MDGA2: variants seen among roughly 807,000 people sequenced by gnomAD.
MDGA2 encodes MAM domain-containing glycosylphosphatidylinositol anchor protein 2.
In MDGA2, 40 loss-of-function variants were observed where a neutral mutation model predicts 117.8. The observed-to-expected ratio is 0.34, with a 90% CI of 0.26 to 0.44. MDGA2 has a LOEUF of 0.44. Among genes scored for constraint, MDGA2 ranks in the 20% least tolerant of loss-of-function variants. The pLI, the probability that MDGA2 is intolerant of heterozygous loss-of-function variation, is 1.00. For missense variants in MDGA2, 1,123 were observed against 1,250.6 expected, an observed-to-expected ratio of 0.90 and a Z score of 1.54; for synonymous variants, 452 against 439.0, an observed-to-expected ratio of 1.03 and a Z score of -0.37.
At chr14:47,312,850 T>G (rs1327648132) in intron 1 of MDGA2, among the ~76,000 whole-genome samples, 1 of 149,270 alleles carries the variant, frequency 6.7e-6, no homozygotes, top group Non-Finnish European at 1.5e-5. Context: ...CCTTAGAATC[T>G]TAATAATAAT....
At chr14:47,468,427 C>A (rs915309348) in intron 1 of MDGA2, among the ~76,000 whole-genome samples, 1 of 152,052 alleles carries the variant, frequency 6.6e-6, no homozygotes, top group Non-Finnish European at 1.5e-5. Context: ...TCCCTGTGTG[C>A]TATAAAATTC....
intron 1 of MDGA2, among the ~76,000 whole-genome samples, chr14:47,509,986 AG>A (rs1894604509): frequency 6.6e-6 from 1 of 152,174 alleles, no homozygotes; most frequent in African/African-American, 2.4e-5. Flanking sequence ...GTGTATGTGA[AG>A]AACATGAATT....
Position 47,670,044 on chromosome 14 carries a change from G to C in MDGA2, c.280+4473C>G, listed in dbSNP as rs546750033. 1.7e-3 allele frequency among the ~76,000 whole-genome samples: 255 copies of C among 152,154 alleles called. 1 individual carries two copies. Among genetic ancestry groups the C allele is most frequent in the Middle Eastern group, 3.4e-3 (1 of 294 alleles). On this transcript the variant is annotated intron_variant, in intron 1 of 16. Transcript: ENST00000399232. Reference sequence around the variant, plus strand: ...GCTTTCTTGTGTCACTTATGCCCTTGTTCTTAATTTCACCAAGGCCATTTC... The same window carrying C: ...GCTTTCTTGTGTCACTTATGCCCTTCTTCTTAATTTCACCAAGGCCATTTC...
intron 10 of MDGA2, among the ~76,000 whole-genome samples, chr14:46,919,624 C>T (rs564974248): frequency 1.3e-5 from 2 of 152,306 alleles, no homozygotes; most frequent in South Asian, 4.1e-4. Flanking sequence ...TGTACAACTT[C>T]TGGCTTCTTA....
intron 1 of MDGA2, among the ~76,000 whole-genome samples, chr14:47,460,610 A>G (rs1465490262): frequency 6.6e-6 from 1 of 152,122 alleles, no homozygotes; most frequent in Admixed American, 6.6e-5. Context: ...GAGATAATAT[A>G]TATAATTTTA....
chr14:47,346,814 CAT>C (rs1195694078), intron 1 of MDGA2, among the ~76,000 whole-genome samples: 3 of 152,124 alleles, frequency 2.0e-5, no homozygotes, highest in Non-Finnish European at 4.4e-5. Context: ...CCTTGCAAAG[CAT>C]ATAATCCATG....
chr14:46,950,116 TA>T (rs1159740075), intron 9 of MDGA2, among the ~76,000 whole-genome samples: 10 of 151,948 alleles, frequency 6.6e-5, no homozygotes, highest in South Asian at 4.1e-4. Flanking sequence ...AATAACTGTT[TA>T]AAAAATTATA....
At chr14:47,200,334 T>C (rs1885446218) in intron 3 of MDGA2, among the ~76,000 whole-genome samples, 1 of 151,992 alleles carries the variant, frequency 6.6e-6, no homozygotes, top group Non-Finnish European at 1.5e-5. Flanking sequence ...GAAATATTTA[T>C]TGAAGACAGA....
intron 14 of MDGA2, among the ~76,000 whole-genome samples, chr14:46,856,364 A>T (rs1027473525): frequency 2.0e-5 from 3 of 152,126 alleles, no homozygotes; most frequent in African/African-American, 7.2e-5. Flanking sequence ...CTTGATCAAG[A>T]TAAAATCAAT....
chr14:47,632,892 C>A (rs1324349303), intron 1 of MDGA2, among the ~76,000 whole-genome samples: 5 of 151,994 alleles, frequency 3.3e-5, no homozygotes, highest in African/African-American at 1.2e-4. Context: ...TGAACTGGGA[C>A]TCTATCATTT....
rs538768249 is a variant in MDGA2 at position 47,185,107 on chromosome 14, A to G, written c.595+32914T>C. 1.1e-3 allele frequency among the ~76,000 whole-genome samples: 172 copies of G among 151,130 alleles called. 1 individual carries two copies. Among genetic ancestry groups the G allele is most frequent in the Non-Finnish European group, 2.1e-3 (139 of 67,414 alleles). The stretch of plus-strand genomic sequence containing the variant: ...TCTAATTATCTTTTACAAGAGACAT[A>G]CATAAAATATGTTAAAATAATTTTA... On this transcript the variant is annotated intron_variant, in intron 3 of 16. Transcript: ENST00000399232.
chr14:47,178,661 A>G (rs1208026979), intron 3 of MDGA2, among the ~76,000 whole-genome samples: 1 of 152,206 alleles, frequency 6.6e-6, no homozygotes, highest in African/African-American at 2.4e-5. Flanking sequence ...AATGAGGCAG[A>G]AAGAAACAGA....
chr14:47,323,922 G>A (rs1005987959), intron 1 of MDGA2, among the ~76,000 whole-genome samples: 4 of 152,080 alleles, frequency 2.6e-5, no homozygotes, highest in Admixed American at 2.6e-4. Flanking sequence ...ATTTAATTGA[G>A]TAGCTACTCT....
chr14:47,435,889 C>G (rs960961410), intron 1 of MDGA2, among the ~76,000 whole-genome samples: 4 of 152,106 alleles, frequency 2.6e-5, no homozygotes, highest in Non-Finnish European at 4.4e-5. Context: ...GGCTGTCAAA[C>G]AGTTTGCATC....
At chr14:47,365,518 C>G (rs1402738238) in intron 1 of MDGA2, among the ~76,000 whole-genome samples, 2 of 152,254 alleles carry the variant, frequency 1.3e-5, no homozygotes, top group Admixed American at 1.3e-4. Context: ...TACTGGTAGA[C>G]AGAAACCTAG....
chr14:46,933,411 T>C (rs73237214), intron 9 of MDGA2, among the ~76,000 whole-genome samples: 5,373 of 151,966 alleles, frequency 0.035, 319 homozygotes, highest in African/African-American at 0.12. Context: ...AAAAGACATA[T>C]CTGAAGATCC....
At position 46,863,980 on chromosome 14, in the gene MDGA2, A is replaced by G. The variant is rs375500680; in HGVS notation, c.2753-8826T>C. Among the ~76,000 whole-genome samples, 3 of 152,046 alleles carry G rather than the reference A, an allele frequency of 2.0e-5. No homozygotes were observed. In the South Asian group the frequency reaches 6.2e-4, roughly 31 times the overall value. ...ATCTCATTTAACAAAGCAGTTACAT[A>G]TGTATACATGTGCCATGCTGGTGCG... is the stretch of plus-strand genomic sequence containing the variant. On this transcript the variant is annotated intron_variant, in intron 14 of 16. Transcript: ENST00000399232.
intron 3 of MDGA2, among the ~76,000 whole-genome samples, chr14:47,205,855 CTG>C (rs1489728441): frequency 6.6e-6 from 1 of 151,994 alleles, no homozygotes; most frequent in Non-Finnish European, 1.5e-5. Context: ...TATAACCATG[CTG>C]TCTCTGTTTA....
chr14:47,159,376 A>G (rs1194093930), intron 3 of MDGA2, among the ~76,000 whole-genome samples: 2 of 152,190 alleles, frequency 1.3e-5, no homozygotes, highest in African/African-American at 4.8e-5. Context: ...TCCAAGGTAG[A>G]GCTCTAATCC....
Sources: gnomAD v4.1 joint callset for allele counts (sites outside exome capture counted in the v4.1 genomes callset) on GRCh38, gnomAD v4.1.1 for gene constraint, MANE v1.5 for transcripts, NCBI Gene and HGNC (gene_info 2026-07-23, HGNC 2026-07-21) for gene names.